The following AEN variants were observed in gnomAD, a reference collection of about 807,000 sequenced individuals.
The protein encoded by AEN is apoptosis enhancing nuclease, also known as apoptosis-enhancing nuclease.
AEN carries 21 observed loss-of-function variants against 17.7 expected under a neutral mutation model. The ratio of observed to expected loss-of-function variants is 1.19; its 90% CI spans 0.84 to 1.71. The LOEUF is 1.71. Among genes scored for constraint, AEN ranks in the 40% most tolerant of loss-of-function variants. The probability of loss-of-function intolerance (pLI) is 0.00; values close to 1 mark genes in which losing one functional copy is unlikely to be tolerated. For synonymous variants in AEN, 190 were observed against 173.0 expected (o/e 1.10, Z -0.77); for missense variants, 462 against 435.9 (o/e 1.06, Z -0.53).
the AEN span, among the ~76,000 whole-genome samples, chr15:88,615,155 C>T: frequency 1.9e-4 from 29 of 152,260 alleles, 1 homozygote; most frequent in South Asian, 6.0e-3. Context: ...TGAGCCACCG[C>T]GCCCGGCCTC....
In AEN at chr15:88,626,523, C is replaced by G; in HGVS notation, c.314C>G (p.Pro105Arg). ...CCTGCTCCCGGGAAAGCCTCAGGGC[C>G]CTTGCCCAGCAAGTGTGTGGCTATC... is the stretch of plus-strand genomic sequence containing the variant. The part of the protein sequence containing the change: ...RRPAPGKASG[P>R]LPSKCVAIDC... Residue 105 changes from proline (P) to arginine (R), a missense_variant, in exon 2 of 4, where the codon CCC becomes CGC. By Grantham distance (103) the Pro-to-Arg change is moderately radical. Transcript: ENST00000332810. 1 of 1,614,184 alleles carries G rather than the reference C, an allele frequency of 6.2e-7. No homozygotes were observed. Among genetic ancestry groups the G allele is most frequent in the Admixed American group, 1.7e-5 (1 of 60,030 alleles).
At chr15:88,623,929 C>T (rs937855176) in intron 1 of AEN, among the ~76,000 whole-genome samples, 2 of 152,256 alleles carry the variant, frequency 1.3e-5, no homozygotes, top group Non-Finnish European at 1.5e-5. Context: ...GGTGGGCCCT[C>T]TTCCTCCACC....
rs1390232106 is a variant in AEN at position 88,629,340 on chromosome 15, A to G, written c.655A>G (p.Asn219Asp). 9 of 1,614,110 alleles carry G rather than the reference A, an allele frequency of 5.6e-6. No homozygotes were observed. The South Asian group carries it at 7.7e-5, about 14-fold the overall frequency. ...SQTRDTTYVPNFLSEPGLHTR... is the reference protein window; with the variant it reads ...SQTRDTTYVPDFLSEPGLHTR... ...GACCCGGGATACGACCTATGTCCCA[A>G]ACTTCCTCAGCGAGCCCGGCCTCCA... Residue 219 changes from asparagine to aspartate, a missense_variant, in exon 3 of 4, where the codon AAC becomes GAC. By Grantham distance (23) the Asn-to-Asp change is conservative. Coordinates refer to ENST00000332810, the MANE Select transcript of AEN (RefSeq NM_022767.4).
chr15:88,619,485 C>A (rs950473408), upstream of AEN, among the ~76,000 whole-genome samples: 1 of 152,074 alleles, frequency 6.6e-6, no homozygotes, highest in South Asian at 2.1e-4. Context: ...GTCGGGAGTT[C>A]GAGACCAGCC....
chr15:88,626,871 C>A, intron 2 of AEN, 122 bp downstream of exon 2: 3 of 1,081,310 alleles, frequency 2.8e-6, no homozygotes, highest in Admixed American at 2.2e-5. Context: ...CCTAACTGCT[C>A]CAAACAGTAG....
At chr15:88,608,099 C>T in the AEN span, 1 of 525,284 alleles carries the variant, frequency 1.9e-6, no homozygotes, top group East Asian at 5.5e-5. Flanking sequence ...GATAACTGAG[C>T]TCTTATTGGC....
upstream of AEN, among the ~76,000 whole-genome samples, chr15:88,618,685 C>T (rs2057757919): frequency 6.6e-6 from 1 of 152,198 alleles, no homozygotes; most frequent in African/African-American, 2.4e-5. Context: ...AGTTGTAAGC[C>T]TGATAAACAT....
At chr15:88,607,726 C>A in the AEN span, among the ~76,000 whole-genome samples, 2 of 152,088 alleles carry the variant, frequency 1.3e-5, no homozygotes, top group African/African-American at 2.4e-5. Flanking sequence ...TCTTTTCTCT[C>A]CATTTCCTTC....
chr15:88,619,581 C>T (rs760587645), upstream of AEN, among the ~76,000 whole-genome samples: 4 of 152,056 alleles, frequency 2.6e-5, no homozygotes, highest in South Asian at 2.1e-4. Flanking sequence ...CCAGCTGTTC[C>T]TGAGGCTGAG....
At chr15:88,619,027 C>T (rs1255339227), upstream of AEN, among the ~76,000 whole-genome samples, 1 of 152,128 alleles carries the variant, frequency 6.6e-6, no homozygotes, top group Non-Finnish European at 1.5e-5. Flanking sequence ...AAACTCCTGG[C>T]CTCAAGCAGT....
At chr15:88,611,760 C>A in the AEN span, 1 of 387,038 alleles carries the variant, frequency 2.6e-6, no homozygotes. Context: ...CCTGAAGGAG[C>A]ATCCAGACCG....
chr15:88,613,446 G>C, the AEN span, among the ~76,000 whole-genome samples: 3 of 152,202 alleles, frequency 2.0e-5, no homozygotes, highest in Non-Finnish European at 4.4e-5. Flanking sequence ...CAGCGGGAGA[G>C]AAGCCCAGAT....
upstream of AEN, among the ~76,000 whole-genome samples, chr15:88,620,941 A>G (rs1458625032): frequency 2.6e-5 from 4 of 152,170 alleles, no homozygotes; most frequent in Non-Finnish European, 5.9e-5. Flanking sequence ...CTTGAATCCC[A>G]GAACACCCGA....
chr15:88,618,681 A>C (rs2057757897), upstream of AEN, among the ~76,000 whole-genome samples: 1 of 152,232 alleles, frequency 6.6e-6, no homozygotes, highest in Non-Finnish European at 1.5e-5. Context: ...TTATAGTTGT[A>C]AGCCTGATAA....
intron 3 of AEN, 89 bp downstream of exon 3, chr15:88,629,515 C>A: frequency 6.9e-7 from 1 of 1,456,098 alleles, no homozygotes; most frequent in South Asian, 1.3e-5. Flanking sequence ...GGCTGTGTCT[C>A]CAGCCTCCTT....
Position 88,630,809 on chromosome 15 carries a change from T to C in AEN, c.*515T>C. The C allele has an allele frequency of 4.2e-6, 1 of 237,878 alleles. No homozygotes were observed. Among genetic ancestry groups the C allele is most frequent in the Non-Finnish European group, 8.7e-6 (1 of 114,482 alleles). The allele number at this position is 237,878 out of a possible 1,614,324, so 14.7% of individuals were successfully genotyped here. Reference sequence around the variant, plus strand: ...TTCCTCCACTCATTTGGGTTCAGAATAAACATGTCCTGAAGTTAAAGAGGA... The same window carrying C: ...TTCCTCCACTCATTTGGGTTCAGAACAAACATGTCCTGAAGTTAAAGAGGA... On this transcript the variant is annotated 3_prime_UTR_variant, in exon 4 of 4. Transcript: ENST00000332810. The surrounding 1 kb of genome is among the most constrained non-coding windows in gnomAD (Gnocchi z 5.1).
Position 88,630,869 on chromosome 15 carries a change from C to G in AEN, c.*575C>G, listed in dbSNP as rs73465625. The G allele has an allele frequency of 5.5e-3, 1,530 of 280,082 alleles. 22 individuals carry two copies. The highest frequency in any genetic ancestry group is 0.03 in the African/African-American group (1,399 of 45,890). The allele number at this position is 280,082 out of a possible 1,614,324, so 17.3% of individuals were successfully genotyped here. A position where few individuals can be genotyped will look rare whatever the true frequency, so the allele number is the denominator to read the frequency against. On this transcript the variant is annotated 3_prime_UTR_variant, in exon 4 of 4. Transcript: ENST00000332810. The surrounding 1 kb of genome is among the most constrained non-coding windows in gnomAD (Gnocchi z 5.1). ...TAAAGGAGGCATTTCTTCCCCACCT[C>G]CCTGACCTGGAACTCTGGCTACAGC...
chr15:88,621,361 G>C lies in AEN; in HGVS notation c.-86G>C, dbSNP rs981623238. The C allele has an allele frequency of 6.6e-6, 1 of 152,290 alleles. No individual in the cohort carries two copies. The highest frequency in any genetic ancestry group is 1.5e-5 in the Non-Finnish European group (1 of 68,084). The allele number at this position is 152,290 out of a possible 1,614,324, so 9.4% of individuals were successfully genotyped here. A position where few individuals can be genotyped will look rare whatever the true frequency, so the allele number is the denominator to read the frequency against. On this transcript the variant is annotated 5_prime_UTR_variant, in exon 1 of 4. Coordinates refer to ENST00000332810, the MANE Select transcript of AEN (RefSeq NM_022767.4). ...CTTTCCGGACGCCACGTGCAGACCG[G>C]AAGAGACACGCGGGGCTTCAGGTGA... is the stretch of plus-strand genomic sequence containing the variant.
the AEN span, chr15:88,611,890 G>A: frequency 4.7e-3 from 2,410 of 517,906 alleles, 52 homozygotes; most frequent in South Asian, 0.03. Flanking sequence ...GTCTTACTGC[G>A]CTCAACAACA....
Sources: gnomAD v4.1 joint callset for allele counts (sites outside exome capture counted in the v4.1 genomes callset) on GRCh38, gnomAD v4.1.1 for gene constraint, Gnocchi (gnomAD v3.1) non-coding constraint, MANE v1.5 for transcripts, NCBI Gene and HGNC (gene_info 2026-07-23, HGNC 2026-07-21) for gene names.